The following DPP6 variants were observed in gnomAD, a reference collection of about 807,000 sequenced individuals.
DPP6 encodes dipeptidyl peptidase like 6.
In DPP6, 69 loss-of-function variants were observed where a neutral mutation model predicts 122.6. The observed-to-expected ratio is 0.56, with a 90% CI of 0.46 to 0.69. The LOEUF is 0.69. Ranked by LOEUF, DPP6 falls within the 30% of genes least tolerant of loss-of-function variation. The pLI, the probability that DPP6 is intolerant of heterozygous loss-of-function variation, is 0.00. For synonymous variants in DPP6, 418 were observed against 433.1 expected, an observed-to-expected ratio of 0.97 and a Z score of 0.43; for missense variants, 928 against 1,116.9, an observed-to-expected ratio of 0.83 and a Z score of 2.41.
rs752963261 is a variant in DPP6 at position 153,918,460 on chromosome 7, A to ACT, written c.51+30727_51+30728insTC. On this transcript the variant is annotated intron_variant, in intron 1 of 25. Coordinates refer to the DPP6 transcript ENST00000404039. ...CACACACACACACACACACACACACACACACACTCTCTCTCTCTCTCTCTC... is the reference window on the plus strand; with the variant it reads ...CACACACACACACACACACACACACACTCACACACTCTCTCTCTCTCTCTCTC... 2.7e-3 allele frequency among the ~76,000 whole-genome samples: 238 copies of ACT among 88,606 alleles called. 6 individuals carry two copies. Among genetic ancestry groups the ACT allele is most frequent in the African/African-American group, 8.5e-3 (219 of 25,914 alleles). The allele number at this position is 88,606 out of a possible 152,430, so 58.1% of individuals were successfully genotyped here. A position where few individuals can be genotyped will look rare whatever the true frequency, so the allele number is the denominator to read the frequency against.
At chr7:154,819,991 G>T (rs535396675) in intron 16 of DPP6, among the ~76,000 whole-genome samples, 6 of 152,318 alleles carry the variant, frequency 3.9e-5, no homozygotes, top group African/African-American at 1.4e-4. Flanking sequence ...GGACGGTGGG[G>T]CTGGAAGGGG....
intron 1 of DPP6, among the ~76,000 whole-genome samples, chr7:153,965,901 G>C (rs1234937764): frequency 6.6e-6 from 1 of 151,936 alleles, no homozygotes; most frequent in Non-Finnish European, 1.5e-5. Flanking sequence ...CCTGCTTTCA[G>C]ATGGGGCCGG....
intron 1 of DPP6, among the ~76,000 whole-genome samples, chr7:153,931,918 C>T (rs1014595822): frequency 5.3e-5 from 8 of 152,140 alleles, no homozygotes; most frequent in South Asian, 4.1e-4. Context: ...CTTCGTGCAC[C>T]GGCTAATTTA....
At chr7:154,622,687 A>T (rs890430037) in intron 5 of DPP6, among the ~76,000 whole-genome samples, 6 of 152,196 alleles carry the variant, frequency 3.9e-5, no homozygotes, top group Non-Finnish European at 7.3e-5. Context: ...GACCAACACC[A>T]TCGAATGACC....
intron 1 of DPP6, among the ~76,000 whole-genome samples, chr7:153,907,018 C>T (rs985916257): frequency 1.3e-5 from 2 of 152,166 alleles, no homozygotes; most frequent in Non-Finnish European, 2.9e-5. Context: ...CATAGATACC[C>T]AGTAGTGTTA....
chr7:154,021,044 C>T (rs985892641), intron 1 of DPP6, among the ~76,000 whole-genome samples: 17 of 152,188 alleles, frequency 1.1e-4, no homozygotes, highest in East Asian at 3.9e-4. Flanking sequence ...AGAGAGCTGC[C>T]GGGGAATAGC....
intron 1 of DPP6, among the ~76,000 whole-genome samples, chr7:154,005,639 C>G (rs572087946): frequency 1.3e-5 from 2 of 150,048 alleles, no homozygotes; most frequent in African/African-American, 4.9e-5. Context: ...GTGACGTCGC[C>G]CAGGAGGCTG....
At chr7:154,793,872 A>G in intron 10 of DPP6, 2 of 669,334 alleles carry the variant, frequency 3.0e-6, no homozygotes, top group Non-Finnish European at 4.7e-6. Context: ...TTATTTAGCA[A>G]GAGGTAATGA....
At chr7:153,749,427 G>C in the DPP6 span, among the ~76,000 whole-genome samples, 154 of 152,156 alleles carry the variant, frequency 1.0e-3, no homozygotes, top group African/African-American at 3.6e-3. This position sits in a 1 kb window ranked among gnomAD's most constrained non-coding sequence, Gnocchi z 4.1. Flanking sequence ...GCTCTTTCCC[G>C]GGAAGCGCGC....
chr7:154,874,019 CACATACGTGTGCATACGCAT>C (rs1804634919), intron 19 of DPP6, among the ~76,000 whole-genome samples: 6 of 151,992 alleles, frequency 3.9e-5, no homozygotes, highest in South Asian at 2.1e-4. Context: ...CACATGCACA[CACATACGTGTGCATACGCAT>C]CCACATGCAG....
At position 154,166,009 on chromosome 7, in the gene DPP6, G is replaced by T. The variant is rs866525146; in HGVS notation, c.243+112946G>T. ...ACTAATACCTCTCCTGCCTTTTTTT[G>T]GTCAATTTATTTTTGTTATTAAAAT... On this transcript the variant is annotated intron_variant, in intron 1 of 25. Coordinates refer to ENST00000377770, the MANE Select transcript of DPP6 (RefSeq NM_130797.4). 1.6e-4 allele frequency among the ~76,000 whole-genome samples: 25 copies of T among 151,878 alleles called. No homozygotes were observed. The South Asian group carries it at 4.6e-3, about 28-fold the overall frequency.
intron 7 of DPP6, 24 bp from the exon 8 acceptor site, chr7:154,727,743 T>A: frequency 6.3e-7 from 1 of 1,591,008 alleles, no homozygotes; most frequent in Non-Finnish European, 8.6e-7. Flanking sequence ...CTTAATATTA[T>A]GCTTTTTTCT....
intron 3 of DPP6, among the ~76,000 whole-genome samples, chr7:154,540,203 C>T (rs1454521413): frequency 2.6e-5 from 4 of 152,210 alleles, no homozygotes; most frequent in Non-Finnish European, 5.9e-5. Flanking sequence ...AAATTAGTCC[C>T]TTTACTAACA....
chr7:154,290,647 C>CAA (rs36088986), intron 1 of DPP6, among the ~76,000 whole-genome samples: 4,939 of 133,882 alleles, frequency 0.037, 214 homozygotes, highest in African/African-American at 0.11. Flanking sequence ...ACTCTGTCTC[C>CAA]AAAAAAAAAA....
At chr7:153,898,483 T>G (rs1401777178) in intron 1 of DPP6, among the ~76,000 whole-genome samples, 1 of 152,010 alleles carries the variant, frequency 6.6e-6, no homozygotes, top group Non-Finnish European at 1.5e-5. Flanking sequence ...AAGAGAAGAT[T>G]TGAAATGTTC....
chr7:154,663,786 G>A (rs796856219), intron 6 of DPP6, among the ~76,000 whole-genome samples: 12 of 105,584 alleles, frequency 1.1e-4, no homozygotes, highest in East Asian at 6.4e-4. Flanking sequence ...ATGGCGTATC[G>A]GCCATAGTGT....
intron 7 of DPP6, among the ~76,000 whole-genome samples, chr7:154,708,322 A>G (rs1349905023): frequency 6.6e-6 from 1 of 152,232 alleles, no homozygotes; most frequent in Non-Finnish European, 1.5e-5. Context: ...TAATCTCTGC[A>G]AGAAAAGTCT....
chr7:154,349,802 C>T (rs1024959496), intron 1 of DPP6, among the ~76,000 whole-genome samples: 4 of 152,030 alleles, frequency 2.6e-5, no homozygotes, highest in Admixed American at 1.3e-4. Context: ...CTTCTCAGTA[C>T]CCAAGTGCTG....
At chr7:154,455,685 T>A (rs188792223) in intron 2 of DPP6, among the ~76,000 whole-genome samples, 1 of 152,270 alleles carries the variant, frequency 6.6e-6, no homozygotes, top group East Asian at 1.9e-4. Context: ...TCTCGCTTAT[T>A]TATGGAGTCC....
Sources: allele counts gnomAD v4.1 joint callset (sites outside exome capture counted in the v4.1 genomes callset), GRCh38; gene constraint gnomAD v4.1.1; non-coding constraint Gnocchi (gnomAD v3.1); transcripts MANE v1.5; gene names NCBI Gene and HGNC (gene_info 2026-07-23, HGNC 2026-07-21).